The following TG variants were observed in gnomAD, a reference collection of about 807,000 sequenced individuals.
The protein encoded by TG is thyroid hormones.
In TG, 270 loss-of-function variants were observed where a neutral mutation model predicts 324.7. That is an observed-to-expected ratio of 0.83 (90% CI 0.75 to 0.92). The LOEUF (loss-of-function observed/expected upper bound fraction) is 0.92. TG is among the 40% of genes least tolerant of loss of function. The pLI is 0.00. For synonymous variants in TG, 1,401 were observed against 1,327.0 expected, an observed-to-expected ratio of 1.06 and a Z score of -1.21; for missense variants, 3,591 against 3,456.4, an observed-to-expected ratio of 1.04 and a Z score of -0.98.
In TG at chr8:132,888,087, C is replaced by T; in HGVS notation, c.2280C>T (p.Ile760=). The stretch of plus-strand genomic sequence containing the variant: ...TACCCACCCTTTCCGACACCTACAT[C>T]CCACAGTGCAGCACCGATGGGCAGT... The part of the protein sequence containing the change: ...SMLPTLSDTY[I]PQCSTDGQWR... Residue 760 remains isoleucine, a synonymous_variant, in exon 10 of 48, where the codon ATC becomes ATT. Coordinates refer to ENST00000220616, the MANE Select transcript of TG (RefSeq NM_003235.5). The T allele has an allele frequency of 1.9e-6, 3 of 1,614,150 alleles. No homozygotes were observed. The highest frequency in any genetic ancestry group is 1.7e-6 in the Non-Finnish European group (2 of 1,180,032).
intron 22 of TG, among the ~76,000 whole-genome samples, chr8:132,924,673 TG>T (rs1203721250): frequency 6.6e-6 from 1 of 152,218 alleles, no homozygotes; most frequent in Non-Finnish European, 1.5e-5. Context: ...GTATGTCCTG[TG>T]GGATCAGAAG....
intron 29 of TG, among the ~76,000 whole-genome samples, chr8:132,964,026 T>TA (rs1354428821): frequency 6.6e-6 from 1 of 151,832 alleles, no homozygotes; most frequent in African/African-American, 2.4e-5. Context: ...AACACATGCC[T>TA]AAAAAATGCC....
In TG at chr8:133,011,738, T is replaced by C. The variant is rs571442255; in HGVS notation, c.6263-163T>C. Among the ~76,000 whole-genome samples, 6 of 152,276 alleles carry C rather than the reference T, an allele frequency of 3.9e-5. No homozygotes were observed. The East Asian group carries it at 1.2e-3, about 29-fold the overall frequency. On this transcript the variant is annotated intron_variant, in intron 35 of 47. Coordinates refer to ENST00000220616, the MANE Select transcript of TG (RefSeq NM_003235.5). ...GGCTCATAAATAATTCAATAAATAC[T>C]TGTAGAATGGAAAGATGGATCAAGC...
intron 41 of TG, among the ~76,000 whole-genome samples, chr8:133,054,496 C>G (rs1840988605): frequency 6.6e-6 from 1 of 152,112 alleles, no homozygotes; most frequent in African/African-American, 2.4e-5. Flanking sequence ...CAAAATCTGC[C>G]TCATAGGATT....
chr8:132,938,779 G>A (rs1180724312), intron 25 of TG, among the ~76,000 whole-genome samples: 8 of 152,158 alleles, frequency 5.3e-5, no homozygotes, highest in African/African-American at 7.2e-5. Context: ...TCGGCCAGGC[G>A]CAGTGGCTTA....
chr8:133,085,123 G>A (rs1588042951), intron 41 of TG, among the ~76,000 whole-genome samples: 1 of 152,342 alleles, frequency 6.6e-6, no homozygotes, highest in East Asian at 1.9e-4. Flanking sequence ...TCCTCCGTGT[G>A]TAGACACAGC....
Position 132,886,662 on chromosome 8 carries a change from C to T in TG, c.1290C>T (p.Ser430=). The T allele has an allele frequency of 1.9e-6, 3 of 1,614,180 alleles. No homozygotes were observed. Among genetic ancestry groups the T allele is most frequent in the Non-Finnish European group, 2.5e-6 (3 of 1,180,040 alleles). Residue 430 remains serine (S), a synonymous_variant, in exon 9 of 48, where the codon AGC becomes AGT. Coordinates refer to ENST00000220616, the MANE Select transcript of TG (RefSeq NM_003235.5). ...TCCGCCCAATGGTGGAGGGACAGAG[C>T]CAACAGTTTTCTGTCTCAGAAAATC... is the stretch of plus-strand genomic sequence containing the variant. ...GLLRPMVEGQ[S]QQFSVSENLL...
chr8:132,949,627 C>T (rs1242320212), intron 27 of TG, among the ~76,000 whole-genome samples: 1 of 152,244 alleles, frequency 6.6e-6, no homozygotes, highest in Non-Finnish European at 1.5e-5. Context: ...GTACTGCCCA[C>T]TCTAGTGATG....
At chr8:132,874,958 C>T (rs908368070) in intron 5 of TG, among the ~76,000 whole-genome samples, 3 of 152,160 alleles carry the variant, frequency 2.0e-5, no homozygotes, top group African/African-American at 7.2e-5. Flanking sequence ...ATTTATATGA[C>T]CTGCCTGGTC....
intron 41 of TG, among the ~76,000 whole-genome samples, chr8:133,089,685 C>A (rs535097269): frequency 2.0e-4 from 31 of 152,320 alleles, no homozygotes; most frequent in Admixed American, 8.5e-4. Flanking sequence ...CTCACTCATA[C>A]AGTCATTCAC....
intron 41 of TG, among the ~76,000 whole-genome samples, chr8:133,070,586 G>A (rs186208352): frequency 7.7e-4 from 118 of 152,306 alleles, no homozygotes; most frequent in Middle Eastern, 3.4e-3. Flanking sequence ...GAGTCTCAGA[G>A]AGGTAAGTAA....
intron 41 of TG, chr8:133,047,028 G>A (rs1269883006): frequency 6.6e-6 from 1 of 152,130 alleles, no homozygotes; most frequent in Admixed American, 6.5e-5. Flanking sequence ...TATTCAGTCT[G>A]GGAAAACCCT....
At chr8:132,947,368 T>C (rs1396267878) in intron 26 of TG, among the ~76,000 whole-genome samples, 3 of 152,230 alleles carry the variant, frequency 2.0e-5, no homozygotes, top group African/African-American at 7.2e-5. Flanking sequence ...CTAAGCATCC[T>C]TGTTCAGAAA....
intron 42 of TG, among the ~76,000 whole-genome samples, chr8:133,095,701 C>T (rs1400417183): frequency 6.6e-6 from 1 of 152,220 alleles, no homozygotes; most frequent in Non-Finnish European, 1.5e-5. Context: ...GACCAAATCT[C>T]TGGCTGGCCT....
chr8:132,966,773 T>G (rs1479488214), intron 30 of TG, 76 bp downstream of exon 30: 3 of 1,604,256 alleles, frequency 1.9e-6, no homozygotes, highest in Non-Finnish European at 2.6e-6. Flanking sequence ...TGGCAACTCC[T>G]GAGACACAGA....
At chr8:132,948,225 A>T (rs1337017177) in intron 26 of TG, among the ~76,000 whole-genome samples, 1 of 151,684 alleles carries the variant, frequency 6.6e-6, no homozygotes, top group Non-Finnish European at 1.5e-5. Context: ...GTACTCCTTT[A>T]TGAGACCCTT....
At chr8:132,883,615 C>T (rs1230724599) in intron 8 of TG, among the ~76,000 whole-genome samples, 1 of 152,080 alleles carries the variant, frequency 6.6e-6, no homozygotes, top group Non-Finnish European at 1.5e-5. Flanking sequence ...CTTTGTTATC[C>T]TAACAAAGGC....
chr8:132,893,246 T>C (rs1299314603), intron 10 of TG, among the ~76,000 whole-genome samples: 1 of 138,624 alleles, frequency 7.2e-6, no homozygotes, highest in East Asian at 2.3e-4. Context: ...TGTGTATGTG[T>C]GTGGTGTGTA....
chr8:132,889,595 G>T (rs949104387), intron 10 of TG, among the ~76,000 whole-genome samples: 2 of 152,168 alleles, frequency 1.3e-5, no homozygotes, highest in African/African-American at 2.4e-5. Flanking sequence ...ATCTTGGCCT[G>T]ACTGTTAGAT....
Sources: allele counts gnomAD v4.1 joint callset (sites outside exome capture counted in the v4.1 genomes callset), GRCh38; gene constraint gnomAD v4.1.1; transcripts MANE v1.5; gene names NCBI Gene and HGNC (gene_info 2026-07-23, HGNC 2026-07-21).